KCNQ1: variants seen among roughly 807,000 people sequenced by gnomAD.
KCNQ1 encodes the protein potassium voltage-gated channel subfamily KQT member 1.
Under a neutral mutation model 72.4 loss-of-function variants are expected in KCNQ1, and 49 were observed. That is an observed-to-expected ratio of 0.68 (90% confidence interval 0.54 to 0.86). The LOEUF (loss-of-function observed/expected upper bound fraction) is 0.86. Among genes scored for constraint, KCNQ1 ranks in the 40% least tolerant of loss-of-function variants. The pLI is 0.00. For synonymous variants in KCNQ1, 450 were observed against 412.6 expected (o/e 1.09, Z -1.10); for missense variants, 790 against 945.1 (o/e 0.84, Z 2.15).
chr11:2,453,674 C>A (rs1846145854), intron 1 of KCNQ1, among the ~76,000 whole-genome samples: 1 of 152,238 alleles, frequency 6.6e-6, no homozygotes, highest in South Asian at 2.1e-4. Context: ...AGAGGGTAGA[C>A]TCTGTGAGGA....
Position 2,464,712 on chromosome 11 carries a change from C to T in KCNQ1, c.386+19228C>T, listed in dbSNP as rs1199628139. 6.6e-6 allele frequency among the ~76,000 whole-genome samples: 1 copy of T among 152,128 alleles called. No individual in the cohort carries two copies. The highest frequency in any genetic ancestry group is 1.5e-5 in the Non-Finnish European group (1 of 68,010). On this transcript the variant is annotated intron_variant, in intron 1 of 15. Transcript: ENST00000155840. This position sits in a 1 kb window ranked among gnomAD's most constrained non-coding sequence, Gnocchi z 5.0. ...AGGATTACATGGTCCGTGTTGGACT[C>T]TGGGATGCTGGTGGGAAGAACAGTC...
Position 2,781,263 on chromosome 11 carries a change from G to T in KCNQ1, c.1794+3226G>T, listed in dbSNP as rs1029845098. ...GATGGGGAAACCGAGGCTCAGAGAG[G>T]CTGAGTGGTCGCCTGAGGTCACACA... On this transcript the variant is annotated intron_variant, in intron 15 of 15. Transcript: ENST00000155840. The surrounding 1 kb of genome is among the most constrained non-coding windows in gnomAD (Gnocchi z 6.6). 6.6e-6 allele frequency among the ~76,000 whole-genome samples: 1 copy of T among 152,316 alleles called. No homozygotes were observed. Among genetic ancestry groups the T allele is most frequent in the South Asian group, 2.1e-4 (1 of 4,828 alleles).
In KCNQ1 at chr11:2,687,849, T is replaced by G. The variant is rs986367485; in HGVS notation, c.1514+25768T>G. On this transcript the variant is annotated intron_variant, in intron 11 of 15. Transcript: ENST00000155840. This position sits in a 1 kb window ranked among gnomAD's most constrained non-coding sequence, Gnocchi z 5.0. Reference sequence around the variant, plus strand: ...TGGCTCCAGGCCAAACTCTGGTTCCTGAGGAGCCTCAAAGGCTGGACTTGG... The same window carrying G: ...TGGCTCCAGGCCAAACTCTGGTTCCGGAGGAGCCTCAAAGGCTGGACTTGG... 74 of 398,652 alleles carry G rather than the reference T, an allele frequency of 1.9e-4. No individual in the cohort carries two copies. The highest frequency in any genetic ancestry group is 1.8e-4 in the Non-Finnish European group (41 of 226,170). 24.7% of individuals were successfully genotyped at this position (398,652 alleles called of 1,614,324 possible). A position where few individuals can be genotyped will look rare whatever the true frequency, so the allele number is the denominator to read the frequency against.
intron 11 of KCNQ1, chr11:2,675,773 G>A (rs576489254): frequency 3.3e-5 from 13 of 398,694 alleles, no homozygotes; most frequent in African/African-American, 1.6e-4. Context: ...CACTGTGTGC[G>A]GGGAGCTGCT....
Position 2,695,915 on chromosome 11 carries a change from G to A in KCNQ1, c.1514+33834G>A, listed in dbSNP as rs1850668650. 5.0e-6 allele frequency: 2 copies of A among 398,530 alleles called. No homozygotes were observed. The highest frequency in any genetic ancestry group is 8.8e-6 in the Non-Finnish European group (2 of 226,052). The allele number at this position is 398,530 out of a possible 1,614,324, so 24.7% of individuals were successfully genotyped here. On this transcript the variant is annotated intron_variant, in intron 11 of 15. Transcript: ENST00000155840. This position sits in a 1 kb window ranked among gnomAD's most constrained non-coding sequence, Gnocchi z 5.2. ...CTTCCTACCTTTTTCTTAATGATTT[G>A]TGGTGCTTTCTGGTATATTTTAGCT...
intron 10 of KCNQ1, chr11:2,649,765 C>T (rs1229909353): frequency 5.0e-6 from 2 of 398,356 alleles, no homozygotes; most frequent in Non-Finnish European, 8.8e-6. Context: ...GAAAATGTGC[C>T]TCAGAGAGGC....
intron 15 of KCNQ1, among the ~76,000 whole-genome samples, chr11:2,804,296 T>G (rs1847332205): frequency 6.6e-6 from 1 of 152,256 alleles, no homozygotes; most frequent in South Asian, 2.1e-4. Context: ...CAACGTCATT[T>G]TGCAGAAGGG....
chr11:2,582,202 G>A lies in KCNQ1; in HGVS notation c.922-1233G>A, dbSNP rs559986119. 2.7e-3 allele frequency among the ~76,000 whole-genome samples: 414 copies of A among 152,310 alleles called. 1 individual carries two copies. Among genetic ancestry groups the A allele is most frequent in the African/African-American group, 9.6e-3 (400 of 41,572 alleles). Reference sequence around the variant, plus strand: ...TGCTGTGGCAGTTCTGGGCAGTCGCGTGAGCCGTGTGCACCTGCCTCTCTG... The same window carrying A: ...TGCTGTGGCAGTTCTGGGCAGTCGCATGAGCCGTGTGCACCTGCCTCTCTG... On this transcript the variant is annotated intron_variant, in intron 6 of 15. Coordinates refer to ENST00000155840, the MANE Select transcript of KCNQ1 (RefSeq NM_000218.3).
At chr11:2,632,066 C>A (rs1355979212) in intron 10 of KCNQ1, 1 of 396,280 alleles carries the variant, frequency 2.5e-6, no homozygotes, top group Admixed American at 4.4e-5. Flanking sequence ...GCCTGTAGTC[C>A]CAGCTACTTG....
intron 15 of KCNQ1, among the ~76,000 whole-genome samples, chr11:2,800,593 G>T: frequency 6.6e-6 from 1 of 152,354 alleles, no homozygotes. Flanking sequence ...TTACAGAACC[G>T]GGGGCCAGAG....
At position 2,683,227 on chromosome 11, in the gene KCNQ1, T is replaced by C. The variant is rs143423667; in HGVS notation, c.1514+21146T>C. On this transcript the variant is annotated intron_variant, in intron 11 of 15. Transcript: ENST00000155840. This position sits in a 1 kb window ranked among gnomAD's most constrained non-coding sequence, Gnocchi z 4.7. ...CATTGTGATGGAACTAGAGGTGAGA[T>C]ACAGAGCAGGAGTCCATGGCACCTC... 5.5e-5 allele frequency: 22 copies of C among 398,648 alleles called. No homozygotes were observed. The East Asian group carries it at 7.1e-4, about 13-fold the overall frequency. The allele number at this position is 398,648 out of a possible 1,614,324, so 24.7% of individuals were successfully genotyped here.
At position 2,531,615 on chromosome 11, in the gene KCNQ1, GC is replaced by G. The variant is rs375950449; in HGVS notation, c.477+3600del. Among the ~76,000 whole-genome samples, 80 of 152,278 alleles carry G rather than the reference GC, an allele frequency of 5.3e-4. No individual in the cohort carries two copies. In the East Asian group the frequency reaches 0.013, roughly 24 times the overall value. ...ACAAACCCCTGGTCAGCAGGAACCGGCCCTTTCACTGCCCTGCAGCTCCCTC... is the reference window on the plus strand; with the variant it reads ...ACAAACCCCTGGTCAGCAGGAACCGGCCTTTCACTGCCCTGCAGCTCCCTC... On this transcript the variant is annotated intron_variant, in intron 2 of 15. Coordinates refer to ENST00000155840, the MANE Select transcript of KCNQ1 (RefSeq NM_000218.3).
intron 11 of KCNQ1, chr11:2,680,334 G>C (rs1590027970): frequency 2.6e-6 from 1 of 377,378 alleles, no homozygotes; most frequent in African/African-American, 2.3e-5. Context: ...CAAAAAAAAA[G>C]TCTTTCCAGC....
At chr11:2,556,767 TG>T (rs1848076707) in intron 2 of KCNQ1, among the ~76,000 whole-genome samples, 2 of 152,306 alleles carry the variant, frequency 1.3e-5, no homozygotes, top group South Asian at 4.1e-4. Flanking sequence ...CCCACTACAG[TG>T]GACACTGTCT....
rs1590065039 is a variant in KCNQ1, at chr11:2,745,181, A to G, written c.1515-23663A>G. ...GTTAAGTTTATTGCATTTCTTAAAAATTTCAACTGGAAGTTTGCTTGGGAT... is the reference window on the plus strand; with the variant it reads ...GTTAAGTTTATTGCATTTCTTAAAAGTTTCAACTGGAAGTTTGCTTGGGAT... On this transcript the variant is annotated intron_variant, in intron 11 of 15. Coordinates refer to ENST00000155840, the MANE Select transcript of KCNQ1 (RefSeq NM_000218.3). This position sits in a 1 kb window ranked among gnomAD's most constrained non-coding sequence, Gnocchi z 6.2. Among the ~76,000 whole-genome samples, 4 of 152,290 alleles carry G rather than the reference A, an allele frequency of 2.6e-5. No homozygotes were observed. In the South Asian group the frequency reaches 8.3e-4, roughly 32 times the overall value.
chr11:2,572,116 G>T lies in KCNQ1; in HGVS notation c.780+7G>T. The T allele has an allele frequency of 6.2e-7, 1 of 1,609,290 alleles. No individual in the cohort carries two copies. ...GGTCTTCATCCACCGCCAGGTGGGT[G>T]GCCCGGGTTAGGGGTGCGGGGCCCA... On this transcript the variant is annotated splice_region_variant and intron_variant, in intron 5 of 15. Coordinates refer to ENST00000155840, the MANE Select transcript of KCNQ1 (RefSeq NM_000218.3).
At chr11:2,738,422 T>A (rs934843540) in intron 11 of KCNQ1, among the ~76,000 whole-genome samples, 4 of 152,120 alleles carry the variant, frequency 2.6e-5, no homozygotes, top group Admixed American at 2.6e-4. Flanking sequence ...CATGTGAGAA[T>A]GCAGCAGGTC....
At chr11:2,628,641 A>C in intron 10 of KCNQ1, 1 of 398,058 alleles carries the variant, frequency 2.5e-6, no homozygotes, top group Non-Finnish European at 4.4e-6. Flanking sequence ...TTTTTGTTTG[A>C]TGTAGTTCTA....
rs1444776611 is a variant in KCNQ1, at chr11:2,579,897, C to G, written c.922-3538C>G. On this transcript the variant is annotated intron_variant, in intron 6 of 15. Coordinates refer to ENST00000155840, the MANE Select transcript of KCNQ1 (RefSeq NM_000218.3). The surrounding 1 kb of genome is among the most constrained non-coding windows in gnomAD (Gnocchi z 6.0). ...GTGGTCTCGGGTGTCCTTACGCGAGCAGGTGGCTACCTCACCTGCTCACCT... is the reference window on the plus strand; with the variant it reads ...GTGGTCTCGGGTGTCCTTACGCGAGGAGGTGGCTACCTCACCTGCTCACCT... 6.6e-6 allele frequency among the ~76,000 whole-genome samples: 1 copy of G among 152,110 alleles called. No individual in the cohort carries two copies. The highest frequency in any genetic ancestry group is 1.5e-5 in the Non-Finnish European group (1 of 68,014).
Sources: allele counts gnomAD v4.1 joint callset (sites outside exome capture counted in the v4.1 genomes callset), GRCh38; gene constraint gnomAD v4.1.1; non-coding constraint Gnocchi (gnomAD v3.1); transcripts MANE v1.5; gene names NCBI Gene and HGNC (gene_info 2026-07-23, HGNC 2026-07-21).